The following EHBP1 variants were observed in gnomAD, a reference collection of about 807,000 sequenced individuals.
EHBP1 encodes the protein EH domain-binding protein 1.
A neutral mutation model predicts 144.0 loss-of-function variants in EHBP1; 55 were observed. The ratio of observed to expected loss-of-function variants is 0.38; its 90% CI spans 0.31 to 0.48. The LOEUF is 0.48. Ranked by LOEUF, EHBP1 falls within the 20% of genes least tolerant of loss-of-function variation. EHBP1 has a pLI of 0.98. For missense variants in EHBP1, 1,200 were observed against 1,364.2 expected, an observed-to-expected ratio of 0.88 and a Z score of 1.90; for synonymous variants, 469 against 472.7, an observed-to-expected ratio of 0.99 and a Z score of 0.10.
chr2:63,006,827 A>G (rs566416826), intron 19 of EHBP1, among the ~76,000 whole-genome samples: 1 of 151,764 alleles, frequency 6.6e-6, no homozygotes, highest in South Asian at 2.1e-4. Context: ...TGGAAATTAT[A>G]TATATATATA....
At chr2:62,934,373 T>C (rs1296487143) in intron 10 of EHBP1, among the ~76,000 whole-genome samples, 1 of 152,210 alleles carries the variant, frequency 6.6e-6, no homozygotes, top group Non-Finnish European at 1.5e-5. Context: ...TTTCTTCTTT[T>C]ATAAAGTGCA....
chr2:62,849,806 A>G (rs1458947016), intron 7 of EHBP1, among the ~76,000 whole-genome samples: 1 of 152,150 alleles, frequency 6.6e-6, no homozygotes, highest in Non-Finnish European at 1.5e-5. Context: ...CAGCTGTTGA[A>G]TTCTATTTTT....
intron 7 of EHBP1, among the ~76,000 whole-genome samples, chr2:62,840,438 T>A (rs2047721435): frequency 6.9e-6 from 1 of 144,792 alleles, no homozygotes. Flanking sequence ...GGCAAGGACT[T>A]CATGTCCAAA....
At chr2:62,983,650 C>T (rs1337833314) in intron 15 of EHBP1, among the ~76,000 whole-genome samples, 1 of 152,172 alleles carries the variant, frequency 6.6e-6, no homozygotes, top group Admixed American at 6.5e-5. Context: ...TAGCAGTTCT[C>T]CTGCTTCAGC....
At chr2:62,934,765 T>C (rs760457482) in intron 10 of EHBP1, among the ~76,000 whole-genome samples, 1 of 152,196 alleles carries the variant, frequency 6.6e-6, no homozygotes. Flanking sequence ...AATAGGGATA[T>C]GTAGTTTATT....
intron 5 of EHBP1, chr2:62,772,226 AAG>A (rs2041724091): frequency 6.8e-6 from 1 of 147,548 alleles, no homozygotes; most frequent in Admixed American, 6.7e-5. Flanking sequence ...GAAGGAGAGA[AAG>A]AGAAGGAAGG....
intron 10 of EHBP1, among the ~76,000 whole-genome samples, chr2:62,932,775 G>A (rs981437755): frequency 2.6e-5 from 4 of 151,868 alleles, no homozygotes; most frequent in Admixed American, 6.6e-5. Flanking sequence ...GCAACGTGGC[G>A]GAATCCCGTC....
At chr2:62,800,834 TG>T (rs1389125960) in intron 5 of EHBP1, among the ~76,000 whole-genome samples, 3 of 152,210 alleles carry the variant, frequency 2.0e-5, no homozygotes, top group African/African-American at 7.2e-5. Flanking sequence ...ACTTTCATTT[TG>T]GGCATACCAA....
intron 10 of EHBP1, among the ~76,000 whole-genome samples, chr2:62,889,877 T>G (rs1276987235): frequency 6.6e-6 from 1 of 152,056 alleles, no homozygotes; most frequent in Non-Finnish European, 1.5e-5. Flanking sequence ...TGAAGTTGGG[T>G]AGTATGATGC....
chr2:62,732,417 G>A (rs996547513), intron 2 of EHBP1, among the ~76,000 whole-genome samples: 16 of 152,044 alleles, frequency 1.1e-4, no homozygotes, highest in African/African-American at 2.7e-4. Flanking sequence ...CCCAAATCTC[G>A]TGTTCAGTTG....
At chr2:62,814,196 C>G (rs1377260188) in intron 5 of EHBP1, among the ~76,000 whole-genome samples, 1 of 152,152 alleles carries the variant, frequency 6.6e-6, no homozygotes, top group African/African-American at 2.4e-5. Flanking sequence ...AGTCCTCTGC[C>G]TTTATGAATG....
At chr2:62,947,141 CAACT>C (rs1268838139) in intron 12 of EHBP1, among the ~76,000 whole-genome samples, 4 of 152,234 alleles carry the variant, frequency 2.6e-5, no homozygotes, top group South Asian at 4.2e-4. Context: ...ACATGCACAC[CAACT>C]GAGTCATTCT....
intron 2 of EHBP1, among the ~76,000 whole-genome samples, chr2:62,709,995 C>G (rs999653353): frequency 3.9e-5 from 6 of 152,018 alleles, no homozygotes; most frequent in Middle Eastern, 3.4e-3. Flanking sequence ...GGGTTTATAC[C>G]CCCTACTCTT....
At chr2:62,800,501 T>C (rs2043900167) in intron 5 of EHBP1, among the ~76,000 whole-genome samples, 1 of 152,120 alleles carries the variant, frequency 6.6e-6, no homozygotes, top group Non-Finnish European at 1.5e-5. Flanking sequence ...ATAAAGACCA[T>C]TGGATTGTGT....
chr2:62,891,128 G>C (rs1042309274), intron 10 of EHBP1, among the ~76,000 whole-genome samples: 1 of 144,960 alleles, frequency 6.9e-6, no homozygotes, highest in Non-Finnish European at 1.5e-5. Context: ...AGTGAGCTGA[G>C]ATCACGCCAT....
At chr2:62,959,747 G>A (rs1213091177) in intron 14 of EHBP1, among the ~76,000 whole-genome samples, 1 of 152,100 alleles carries the variant, frequency 6.6e-6, no homozygotes, top group Admixed American at 6.6e-5. Context: ...GTTTTGGTGA[G>A]GGGTGGCTAA....
intron 1 of EHBP1, among the ~76,000 whole-genome samples, chr2:62,680,286 C>T (rs778279518): frequency 6.6e-6 from 1 of 152,190 alleles, no homozygotes; most frequent in Non-Finnish European, 1.5e-5. Context: ...CATCCTCATC[C>T]CTCACACTGT....
intron 5 of EHBP1, among the ~76,000 whole-genome samples, chr2:62,791,909 A>G (rs973736953): frequency 6.6e-6 from 1 of 152,012 alleles, no homozygotes; most frequent in Non-Finnish European, 1.5e-5. Context: ...ATGTTAATGT[A>G]TAAATTTCCA....
rs2061920023 is a variant in EHBP1, at chr2:63,045,445, T to C, written c.3428T>C (p.Leu1143Pro). 1.2e-6 allele frequency: 2 copies of C among 1,614,110 alleles called. No homozygotes were observed. The highest frequency in any genetic ancestry group is 1.7e-5 in the Admixed American group (1 of 60,012). ...GAAGATGAGCATTTGGAGCGAACTC[T>C]GGAGCAAAACAAAGGCAAGATGGCC... is the stretch of plus-strand genomic sequence containing the variant. ...EEEDEHLERT[L>P]EQNKGKMAKK... The change falls in exon 23 of 23, where the codon CTG becomes CCG. Residue 1143 changes from leucine to proline, a missense_variant. This residue lies in a region of EHBP1 where 149 missense variants were observed against 217.0 expected (regional missense o/e 0.69). Transcript: ENST00000431489. This position sits in a 1 kb window ranked among gnomAD's most constrained non-coding sequence, Gnocchi z 5.7.
Sources: allele counts gnomAD v4.1 joint callset (sites outside exome capture counted in the v4.1 genomes callset), GRCh38; gene constraint gnomAD v4.1.1; regional missense constraint gnomAD v4.1.1; non-coding constraint Gnocchi (gnomAD v3.1); transcripts MANE v1.5; gene names NCBI Gene and HGNC (gene_info 2026-07-23, HGNC 2026-07-21).